The following CAMK2D variants were observed in gnomAD, a reference collection of about 807,000 sequenced individuals.
CAMK2D encodes the protein calcium/calmodulin-dependent protein kinase type II subunit delta.
A neutral mutation model predicts 84.0 loss-of-function variants in CAMK2D; 37 were observed. That is an observed-to-expected ratio of 0.44 (90% CI 0.34 to 0.58). The LOEUF is 0.58. Among genes scored for constraint, CAMK2D ranks in the 20% least tolerant of loss-of-function variants. The pLI is 0.02. For synonymous variants in CAMK2D, 202 were observed against 212.5 expected (o/e 0.95, Z 0.43); for missense variants, 448 against 652.5 (o/e 0.69, Z 3.41).
At chr4:113,467,347 T>C (rs772907195) in intron 16 of CAMK2D, among the ~76,000 whole-genome samples, 5 of 152,214 alleles carry the variant, frequency 3.3e-5, no homozygotes, top group Non-Finnish European at 7.3e-5. Context: ...ATGCTTACTT[T>C]CACTCTGAAA....
intron 13 of CAMK2D, among the ~76,000 whole-genome samples, chr4:113,506,738 TGAAA>T (rs2154155926): frequency 6.6e-6 from 1 of 152,316 alleles, no homozygotes; most frequent in East Asian, 1.9e-4. Context: ...TGAATGCAAA[TGAAA>T]GAAATATTCT....
chr4:113,617,830 TAAC>T (rs1390169352), intron 3 of CAMK2D, among the ~76,000 whole-genome samples: 1 of 149,698 alleles, frequency 6.7e-6, no homozygotes, highest in African/African-American at 2.4e-5. Context: ...AGATAAAAAA[TAAC>T]AAGAATAAAA....
chr4:113,539,926 A>G (rs969373336), intron 6 of CAMK2D, among the ~76,000 whole-genome samples: 10 of 152,214 alleles, frequency 6.6e-5, no homozygotes, highest in African/African-American at 2.2e-4. Flanking sequence ...AAAATTTAGG[A>G]TGATGAGTTT....
At chr4:113,486,758 A>G (rs1262148051) in intron 16 of CAMK2D, among the ~76,000 whole-genome samples, 2 of 152,194 alleles carry the variant, frequency 1.3e-5, no homozygotes, top group African/African-American at 4.8e-5. Context: ...TGCCTTGTTG[A>G]GTTTCCCTCC....
At chr4:113,734,395 A>T (rs2099576219) in intron 2 of CAMK2D, among the ~76,000 whole-genome samples, 1 of 152,190 alleles carries the variant, frequency 6.6e-6, no homozygotes, top group Admixed American at 6.5e-5. Flanking sequence ...CTTGAATCAC[A>T]ATTTACAAAT....
chr4:113,460,464 G>A (rs1046221900), intron 17 of CAMK2D, among the ~76,000 whole-genome samples: 2 of 151,898 alleles, frequency 1.3e-5, no homozygotes, highest in Non-Finnish European at 2.9e-5. Flanking sequence ...AATTTATCCA[G>A]TTCAAGCAGA....
At chr4:113,551,971 T>G (rs1165145680) in intron 5 of CAMK2D, 60 bp downstream of exon 5, 2 of 777,132 alleles carry the variant, frequency 2.6e-6, no homozygotes, top group Admixed American at 4.7e-5. Flanking sequence ...TAAAGAAATA[T>G]GCTGAAAAAG....
At chr4:113,479,493 T>C (rs2097672288) in intron 16 of CAMK2D, among the ~76,000 whole-genome samples, 1 of 152,224 alleles carries the variant, frequency 6.6e-6, no homozygotes, top group South Asian at 2.1e-4. Context: ...TTCATTAATC[T>C]ATTAAGTGCC....
chr4:113,535,701 T>C (rs17046194), intron 7 of CAMK2D, among the ~76,000 whole-genome samples: 4,309 of 152,340 alleles, frequency 0.028, 168 homozygotes, highest in African/African-American at 0.098. Flanking sequence ...CTGTCTGGAA[T>C]GCCTTAATCT....
intron 2 of CAMK2D, among the ~76,000 whole-genome samples, chr4:113,681,831 A>G (rs2099346821): frequency 6.6e-6 from 1 of 152,104 alleles, no homozygotes; most frequent in Admixed American, 6.5e-5. Context: ...TATTTAAATG[A>G]CTTCTGTTTT....
intron 1 of CAMK2D, 35 bp from the exon 2 acceptor site, chr4:113,759,449 C>T: frequency 8.2e-7 from 1 of 1,219,470 alleles, no homozygotes; most frequent in Non-Finnish European, 1.2e-6. Flanking sequence ...ATTAATATAA[C>T]AGATATAATA....
chr4:113,756,762 T>C (rs1285754467), intron 2 of CAMK2D, among the ~76,000 whole-genome samples: 1 of 152,116 alleles, frequency 6.6e-6, no homozygotes, highest in Non-Finnish European at 1.5e-5. Flanking sequence ...GAGCCCCTTC[T>C]ATGCTCTCAA....
chr4:113,462,338 GTCTATCTA>G (rs1215010791), intron 17 of CAMK2D, among the ~76,000 whole-genome samples: 4 of 130,448 alleles, frequency 3.1e-5, no homozygotes, highest in African/African-American at 1.2e-4. Flanking sequence ...CTGTCTGTCT[GTCTATCTA>G]TCTATCTATC....
chr4:113,732,049 G>A (rs1016517727), intron 2 of CAMK2D, among the ~76,000 whole-genome samples: 22 of 152,036 alleles, frequency 1.4e-4, no homozygotes, highest in South Asian at 1.0e-3. Context: ...CCTTTGGGCC[G>A]GGGTTTCTCA....
chr4:113,526,030 C>T (rs1006024282), intron 8 of CAMK2D, among the ~76,000 whole-genome samples: 6 of 152,214 alleles, frequency 3.9e-5, no homozygotes, highest in African/African-American at 1.2e-4. Context: ...TCATGTCACA[C>T]GAGTGAGGTG....
chr4:113,479,175 A>G (rs2097668161), intron 16 of CAMK2D, among the ~76,000 whole-genome samples: 1 of 152,210 alleles, frequency 6.6e-6, no homozygotes, highest in Non-Finnish European at 1.5e-5. Flanking sequence ...TAAAAGGGAC[A>G]TTATATGTTA....
In CAMK2D at chr4:113,526,094, T is replaced by C. The variant is rs116785805; in HGVS notation, c.601+5122A>G. Reference sequence around the variant, plus strand: ...AAATCCCACAACAATGACCAAGATATGTAACAAAAGAATACATTATAATGT... The same window carrying C: ...AAATCCCACAACAATGACCAAGATACGTAACAAAAGAATACATTATAATGT... On this transcript the variant is annotated intron_variant, in intron 8 of 20. Transcript: ENST00000511664. Among the ~76,000 whole-genome samples the C allele has an allele frequency of 5.5e-3, 837 of 152,290 alleles. 11 individuals are homozygous for C. Among genetic ancestry groups the C allele is most frequent in the African/African-American group, 0.019 (805 of 41,544 alleles).
At chr4:113,684,830 A>T (rs2099355073) in intron 2 of CAMK2D, among the ~76,000 whole-genome samples, 1 of 152,194 alleles carries the variant, frequency 6.6e-6, no homozygotes, top group South Asian at 2.1e-4. Context: ...AAACTGAGCA[A>T]ATCCAAGTCT....
intron 4 of CAMK2D, among the ~76,000 whole-genome samples, chr4:113,594,132 G>A (rs1223711753): frequency 6.6e-6 from 1 of 152,162 alleles, no homozygotes; most frequent in Non-Finnish European, 1.5e-5. Context: ...AGGAACAAGA[G>A]AGAGAAGGAG....
Sources: allele counts gnomAD v4.1 joint callset (sites outside exome capture counted in the v4.1 genomes callset), GRCh38; gene constraint gnomAD v4.1.1; transcripts MANE v1.5; gene names NCBI Gene and HGNC (gene_info 2026-07-23, HGNC 2026-07-21).